Variants in CDH12 observed in about 807,000 individuals in gnomAD.
CDH12 encodes the protein cadherin 12.
CDH12 carries 41 observed loss-of-function variants against 74.1 expected under a neutral mutation model. The ratio of observed to expected loss-of-function variants is 0.55; its 90% CI spans 0.43 to 0.72. The LOEUF is 0.72. Among genes scored for constraint, CDH12 ranks in the 30% least tolerant of loss-of-function variants. The pLI is 0.00. For synonymous variants in CDH12, 399 were observed against 355.0 expected (o/e 1.12, Z -1.39); for missense variants, 945 against 977.2 (o/e 0.97, Z 0.44).
intron 14 of CDH12, among the ~76,000 whole-genome samples, chr5:21,754,923 A>C (rs535431712): frequency 2.6e-5 from 4 of 152,302 alleles, no homozygotes; most frequent in African/African-American, 9.6e-5. Flanking sequence ...ACTCTCACAG[A>C]GATATTATAG....
chr5:21,783,298 T>G, intron 11 of CDH12, 60 bp downstream of exon 11: 1 of 1,475,416 alleles, frequency 6.8e-7, no homozygotes, highest in Non-Finnish European at 9.3e-7. Flanking sequence ...GGGACTCATT[T>G]AAGAGTCTTA....
chr5:22,688,176 G>A (rs747753804), intron 1 of CDH12, among the ~76,000 whole-genome samples: 18 of 152,242 alleles, frequency 1.2e-4, no homozygotes, highest in South Asian at 4.1e-4. Context: ...AATTAAATGA[G>A]ATAGTATAAG....
chr5:22,777,318 G>T (rs1747154297), intron 1 of CDH12, among the ~76,000 whole-genome samples: 1 of 151,998 alleles, frequency 6.6e-6, no homozygotes, highest in African/African-American at 2.4e-5. Context: ...TATTTATAAG[G>T]TGTTATTCAG....
chr5:22,527,720 G>T (rs1737352653), intron 1 of CDH12, among the ~76,000 whole-genome samples: 1 of 152,006 alleles, frequency 6.6e-6, no homozygotes, highest in South Asian at 2.1e-4. Context: ...GATTTTAAAT[G>T]GCAGATCTAC....
intron 3 of CDH12, among the ~76,000 whole-genome samples, chr5:22,340,011 T>C (rs1436735286): frequency 6.6e-6 from 1 of 152,238 alleles, no homozygotes; most frequent in Non-Finnish European, 1.5e-5. Context: ...ATCTGTTCAA[T>C]GGTTTCATTT....
At chr5:22,498,358 T>A (rs1747191729) in intron 2 of CDH12, among the ~76,000 whole-genome samples, 1 of 152,086 alleles carries the variant, frequency 6.6e-6, no homozygotes. Flanking sequence ...TAACAACATT[T>A]AATGATTTTT....
intron 10 of CDH12, among the ~76,000 whole-genome samples, chr5:21,783,819 A>T (rs1746050316): frequency 6.6e-6 from 1 of 152,162 alleles, no homozygotes; most frequent in South Asian, 2.1e-4. Context: ...GCAGTAAAAA[A>T]TTCCTTAACA....
intron 1 of CDH12, among the ~76,000 whole-genome samples, chr5:22,703,777 A>T (rs1432739688): frequency 6.6e-6 from 1 of 152,174 alleles, no homozygotes; most frequent in Non-Finnish European, 1.5e-5. Context: ...AAGACAATAA[A>T]ACTTTAAATA....
chr5:22,349,561 C>T (rs958509781), intron 3 of CDH12, among the ~76,000 whole-genome samples: 4 of 152,146 alleles, frequency 2.6e-5, no homozygotes, highest in African/African-American at 9.7e-5. Flanking sequence ...AATATAATTT[C>T]TTAACCTGGC....
At chr5:22,152,480 T>C (rs1213048991) in intron 4 of CDH12, 1 of 152,176 alleles carries the variant, frequency 6.6e-6, no homozygotes, top group Non-Finnish European at 1.5e-5. Flanking sequence ...GGATAATGAT[T>C]ACATGTGTTC....
chr5:22,672,973 T>TCTTAATTGC (rs1740983104), intron 1 of CDH12, among the ~76,000 whole-genome samples: 1 of 152,198 alleles, frequency 6.6e-6, no homozygotes, highest in Non-Finnish European at 1.5e-5. Flanking sequence ...ACCTTTAATT[T>TCTTAATTGC]CTTAATTGCT....
At chr5:22,299,421 T>C (rs1339317339) in intron 3 of CDH12, among the ~76,000 whole-genome samples, 1 of 152,216 alleles carries the variant, frequency 6.6e-6, no homozygotes, top group African/African-American at 2.4e-5. Context: ...CTCAAGCTAC[T>C]TGCAGACACA....
chr5:21,862,235 A>G (rs1309736542), intron 6 of CDH12, among the ~76,000 whole-genome samples: 2 of 152,104 alleles, frequency 1.3e-5, no homozygotes, highest in East Asian at 1.9e-4. Context: ...ATTTCATGAC[A>G]TAACTACAGA....
intron 1 of CDH12, among the ~76,000 whole-genome samples, chr5:22,705,391 T>A (rs1272151018): frequency 6.6e-6 from 1 of 151,902 alleles, no homozygotes; most frequent in Non-Finnish European, 1.5e-5. Context: ...AGCTCCTGAT[T>A]CTTGAGATTT....
intron 2 of CDH12, among the ~76,000 whole-genome samples, chr5:22,481,035 A>T (rs1746365680): frequency 6.6e-6 from 1 of 152,222 alleles, no homozygotes; most frequent in South Asian, 2.1e-4. Flanking sequence ...TAAAAAAATT[A>T]TTATGACTTT....
intron 3 of CDH12, among the ~76,000 whole-genome samples, chr5:22,361,343 G>T (rs187920930): frequency 2.5e-3 from 384 of 152,162 alleles, no homozygotes; most frequent in Non-Finnish European, 4.5e-3. Context: ...GCTTCAAAAA[G>T]AATAAAAACC....
intron 5 of CDH12, among the ~76,000 whole-genome samples, chr5:22,073,983 T>G (rs1420840501): frequency 6.6e-6 from 1 of 152,158 alleles, no homozygotes; most frequent in Non-Finnish European, 1.5e-5. Flanking sequence ...GATAGTACAG[T>G]TGATCTTAGA....
At chr5:22,767,708 A>T (rs1224387396) in intron 1 of CDH12, among the ~76,000 whole-genome samples, 1 of 152,040 alleles carries the variant, frequency 6.6e-6, no homozygotes, top group Non-Finnish European at 1.5e-5. Flanking sequence ...TGCAGTGAGT[A>T]GTATTAAACA....
At chr5:21,753,907 A>G (rs1398828713) in intron 14 of CDH12, among the ~76,000 whole-genome samples, 1 of 152,188 alleles carries the variant, frequency 6.6e-6, no homozygotes, top group Non-Finnish European at 1.5e-5. Context: ...AGTTTCTCTG[A>G]AATAAAATAT....
Sources: allele counts gnomAD v4.1 joint callset (sites outside exome capture counted in the v4.1 genomes callset), GRCh38; gene constraint gnomAD v4.1.1; transcripts MANE v1.5; gene names NCBI Gene and HGNC (gene_info 2026-07-23, HGNC 2026-07-21).